Variants in USP14 observed in about 807,000 individuals in gnomAD.
USP14 encodes the protein ubiquitin specific peptidase 14, also known as ubiquitin carboxyl-terminal hydrolase 14.
A neutral mutation model predicts 76.5 loss-of-function variants in USP14; 38 were observed. The ratio of observed to expected loss-of-function variants is 0.50; its 90% CI spans 0.38 to 0.65. The LOEUF (loss-of-function observed/expected upper bound fraction) is 0.65. Ranked by LOEUF, USP14 falls within the 30% of genes least tolerant of loss-of-function variation. The pLI is 0.00. For synonymous variants in USP14, 192 were observed against 191.7 expected, an observed-to-expected ratio of 1.00 and a Z score of -0.01; for missense variants, 467 against 586.5, an observed-to-expected ratio of 0.80 and a Z score of 2.10.
rs192414023 is a variant in USP14, at chr18:198,661, A to T, written c.761+529A>T. Among the ~76,000 whole-genome samples, 856 of 152,116 alleles carry T rather than the reference A, an allele frequency of 5.6e-3. 4 individuals carry two copies. The highest frequency in any genetic ancestry group is 9.6e-3 in the Non-Finnish European group (654 of 67,986). On this transcript the variant is annotated intron_variant, in intron 9 of 15. Transcript: ENST00000261601. ...TTATTTTAAATTTATTTCTTGAAGGATATTTATTATTTTTTCCTAAGAACA... is the reference window on the plus strand; with the variant it reads ...TTATTTTAAATTTATTTCTTGAAGGTTATTTATTATTTTTTCCTAAGAACA...
chr18:209,941 A>T, intron 13 of USP14, 30 bp from the exon 14 acceptor site: 3 of 1,530,384 alleles, frequency 2.0e-6, no homozygotes, highest in Non-Finnish European at 2.7e-6. Context: ...CAAAATCATG[A>T]TTTAAAATTA....
chr18:173,393 G>A (rs1262525101), intron 3 of USP14, among the ~76,000 whole-genome samples: 4 of 150,846 alleles, frequency 2.7e-5, no homozygotes, highest in Non-Finnish European at 5.9e-5. Context: ...TTACAGGCTT[G>A]AGCCACCATG....
At chr18:159,411 C>T (rs1028676350) in intron 1 of USP14, among the ~76,000 whole-genome samples, 1 of 152,074 alleles carries the variant, frequency 6.6e-6, no homozygotes, top group Non-Finnish European at 1.5e-5. Context: ...TGCTGACAGT[C>T]CAGGGTACTG....
intron 2 of USP14, among the ~76,000 whole-genome samples, chr18:166,316 C>A (rs947356626): frequency 6.6e-6 from 1 of 152,066 alleles, no homozygotes; most frequent in Non-Finnish European, 1.5e-5. Flanking sequence ...GGCTTTAGTA[C>A]CACTTGTGTT....
chr18:168,801 G>A (rs923578847), intron 3 of USP14, among the ~76,000 whole-genome samples: 3 of 151,950 alleles, frequency 2.0e-5, no homozygotes, highest in Non-Finnish European at 2.9e-5. Context: ...GGCCGGGCGC[G>A]GTGGCTCACG....
chr18:196,587 T>C (rs1211078580), intron 6 of USP14, 50 bp from the exon 7 acceptor site: 1 of 1,562,044 alleles, frequency 6.4e-7, no homozygotes, highest in Non-Finnish European at 8.6e-7. Context: ...CAGTCGCGTG[T>C]ATTAAATATG....
intron 1 of USP14, among the ~76,000 whole-genome samples, chr18:162,438 G>A (rs886582605): frequency 3.9e-5 from 6 of 152,128 alleles, no homozygotes; most frequent in Non-Finnish European, 7.4e-5. Context: ...AAATGATTTA[G>A]ATATGTCTTT....
At chr18:193,189 A>G (rs1910138868) in intron 6 of USP14, among the ~76,000 whole-genome samples, 1 of 152,192 alleles carries the variant, frequency 6.6e-6, no homozygotes, top group Non-Finnish European at 1.5e-5. Context: ...CTCTGGGGAT[A>G]GCCAGCGACG....
At chr18:195,797 C>T (rs927639492) in intron 6 of USP14, among the ~76,000 whole-genome samples, 1 of 152,094 alleles carries the variant, frequency 6.6e-6, no homozygotes, top group African/African-American at 2.4e-5. Flanking sequence ...AGAACAATTA[C>T]ATTATGCCTG....
In USP14 at chr18:214,292, A is replaced by T. The variant is rs753754064; in HGVS notation, c.*3008A>T. On this transcript the variant is annotated 3_prime_UTR_variant, in exon 16 of 16. Transcript: ENST00000261601. The stretch of plus-strand genomic sequence containing the variant: ...TGGGATTTCAGGATAAATTTTGTAA[A>T]ACTACTAACAAACAACACACAGGAA... 5 of 197,596 alleles carry T rather than the reference A, an allele frequency of 2.5e-5. No homozygotes were observed. Among genetic ancestry groups the T allele is most frequent in the Non-Finnish European group, 5.2e-5 (5 of 96,998 alleles). 12.2% of individuals were successfully genotyped at this position (197,596 alleles called of 1,614,324 possible).
chr18:203,778 T>A (rs545450273), intron 12 of USP14, among the ~76,000 whole-genome samples: 1 of 152,092 alleles, frequency 6.6e-6, no homozygotes, highest in East Asian at 1.9e-4. Context: ...CCCGGCTAAT[T>A]TTTTTGTATT....
At position 158,626 on chromosome 18, in the gene USP14, C is replaced by T. The variant is rs2144198749; in HGVS notation, c.-73C>T. 1 of 1,485,810 alleles carries T rather than the reference C, an allele frequency of 6.7e-7. No individual in the cohort carries two copies. Among genetic ancestry groups the T allele is most frequent in the Non-Finnish European group, 9.0e-7 (1 of 1,114,674 alleles). The allele number at this position is 1,485,810 out of a possible 1,614,324, so 92.0% of individuals were successfully genotyped here. On this transcript the variant is annotated 5_prime_UTR_variant, in exon 1 of 16. Coordinates refer to ENST00000261601, the MANE Select transcript of USP14 (RefSeq NM_005151.4). ...CGCCTCGGCCGCCGCCGCAGCTGCT[C>T]CTGGTCCCCGTCCCTTTGCCGCCCT... is the stretch of plus-strand genomic sequence containing the variant.
chr18:209,809 A>C (rs1203081636), intron 13 of USP14, among the ~76,000 whole-genome samples, 162 bp from the exon 14 acceptor site: 1 of 152,218 alleles, frequency 6.6e-6, no homozygotes, highest in Non-Finnish European at 1.5e-5. Context: ...CTGGGTTTAC[A>C]GTTTTAACTG....
chr18:197,148 A>C (rs571791614), intron 7 of USP14, among the ~76,000 whole-genome samples: 20 of 152,236 alleles, frequency 1.3e-4, no homozygotes, highest in South Asian at 2.1e-4. Context: ...TAAACCTTTC[A>C]AGTGCCCTCT....
chr18:206,517 T>G (rs1406093653), intron 13 of USP14, among the ~76,000 whole-genome samples: 1 of 152,202 alleles, frequency 6.6e-6, no homozygotes, highest in Non-Finnish European at 1.5e-5. Flanking sequence ...TAACCTAGGG[T>G]CTTTTGCAGA....
chr18:183,540 C>T (rs1429383487), intron 5 of USP14, among the ~76,000 whole-genome samples: 3 of 151,764 alleles, frequency 2.0e-5, no homozygotes, highest in African/African-American at 4.8e-5. Context: ...AACTTTCCTC[C>T]GTGTTTTAAA....
At chr18:205,939 C>T (rs780058344) in intron 13 of USP14, among the ~76,000 whole-genome samples, 9 of 152,296 alleles carry the variant, frequency 5.9e-5, no homozygotes, top group Admixed American at 3.9e-4. Flanking sequence ...GAATTTACCA[C>T]AATCTGCTTC....
At chr18:199,430 C>T (rs1367262381) in intron 10 of USP14, 114 bp downstream of exon 10, 11 of 706,714 alleles carry the variant, frequency 1.6e-5, no homozygotes, top group Admixed American at 1.4e-4. Flanking sequence ...CAGAGCAATA[C>T]GCATTTTGAG....
chr18:162,541 T>G (rs1909150712), intron 1 of USP14, among the ~76,000 whole-genome samples: 1 of 152,200 alleles, frequency 6.6e-6, no homozygotes, highest in Admixed American at 6.5e-5. Flanking sequence ...TTCCTTAAGT[T>G]GTTCTAGATG....
Sources: gnomAD v4.1 joint callset for allele counts (sites outside exome capture counted in the v4.1 genomes callset) on GRCh38, gnomAD v4.1.1 for gene constraint, MANE v1.5 for transcripts, NCBI Gene and HGNC (gene_info 2026-07-23, HGNC 2026-07-21) for gene names.